Variants in PARD3B observed in about 807,000 individuals in gnomAD.
The protein encoded by PARD3B is partitioning defective 3 homolog B.
PARD3B carries 103 observed loss-of-function variants against 130.2 expected under a neutral mutation model. The ratio of observed to expected loss-of-function variants is 0.79; its 90% CI spans 0.67 to 0.93. The LOEUF is 0.93. PARD3B is among the 40% of genes least tolerant of loss of function. The probability of loss-of-function intolerance (pLI) is 0.00; values close to 1 mark genes in which losing one functional copy is unlikely to be tolerated. For missense variants in PARD3B, 1,609 were observed against 1,499.2 expected (o/e 1.07, Z -1.21); for synonymous variants, 583 against 553.2 (o/e 1.05, Z -0.76).
chr2:205,517,930 C>A (rs768675226), intron 21 of PARD3B, among the ~76,000 whole-genome samples: 2 of 152,044 alleles, frequency 1.3e-5, no homozygotes, highest in African/African-American at 2.4e-5. Flanking sequence ...ATTTTTATTG[C>A]GCTGTGGTCT....
chr2:204,621,099 C>T (rs549742770), intron 1 of PARD3B, among the ~76,000 whole-genome samples: 1 of 152,286 alleles, frequency 6.6e-6, no homozygotes, highest in South Asian at 2.1e-4. Flanking sequence ...ATTCTAACTT[C>T]AGTAGCACAC....
At position 205,440,542 on chromosome 2, in the gene PARD3B, C is replaced by G; in HGVS notation, c.2914C>G (p.Pro972Ala). Residue 972 changes from proline to alanine, a missense_variant, in exon 20 of 23, where the codon CCA (proline) becomes GCA (alanine). Physicochemically the swap from Pro to Ala is conservative, Grantham distance 27. Coordinates refer to ENST00000406610, the MANE Select transcript of PARD3B (RefSeq NM_001302769.2). This position sits in a 1 kb window ranked among gnomAD's most constrained non-coding sequence, Gnocchi z 4.2. ...CACATCAGCAAATGTCTTTAGATCT[C>G]CATCTCCCCCTCGAGCTGGACCATT... ...PCTSANVFRSPSPPRAGPFGY... is the reference protein window; with the variant it reads ...PCTSANVFRSASPPRAGPFGY... The G allele has an allele frequency of 6.2e-7, 1 of 1,614,100 alleles. No individual in the cohort carries two copies. The highest frequency in any genetic ancestry group is 8.5e-7 in the Non-Finnish European group (1 of 1,179,974).
chr2:204,557,671 T>C (rs891900866), intron 1 of PARD3B, among the ~76,000 whole-genome samples: 1 of 152,238 alleles, frequency 6.6e-6, no homozygotes, highest in Non-Finnish European at 1.5e-5. Flanking sequence ...ATGGTAGATA[T>C]ACATATTTTT....
At chr2:205,373,500 A>G (rs1231273468) in intron 18 of PARD3B, among the ~76,000 whole-genome samples, 1 of 152,238 alleles carries the variant, frequency 6.6e-6, no homozygotes, top group African/African-American at 2.4e-5. Context: ...TTAGACTTCA[A>G]ATAAATTTGG....
In PARD3B at chr2:205,171,966, A is replaced by G. The variant is rs189563260; in HGVS notation, c.1621-245A>G. Among the ~76,000 whole-genome samples the G allele has an allele frequency of 4.3e-3, 662 of 152,300 alleles. 16 individuals carry two copies. The highest frequency in any genetic ancestry group is 1.1e-3 in the Non-Finnish European group (74 of 68,030). On this transcript the variant is annotated intron_variant, in intron 11 of 22. Transcript: ENST00000406610. ...GTAAGAGGCATTATACAAATGTCTAAATTATTGCAGCTCAGGACTCTAAGA... is the reference window on the plus strand; with the variant it reads ...GTAAGAGGCATTATACAAATGTCTAGATTATTGCAGCTCAGGACTCTAAGA...
chr2:205,363,712 T>C (rs1175987824), intron 18 of PARD3B, among the ~76,000 whole-genome samples: 3 of 152,128 alleles, frequency 2.0e-5, no homozygotes, highest in African/African-American at 7.2e-5. Context: ...TTGCCCAGGC[T>C]GGAATGCAGT....
intron 10 of PARD3B, among the ~76,000 whole-genome samples, chr2:205,157,108 T>C (rs376096251): frequency 6.6e-6 from 1 of 152,328 alleles, no homozygotes; most frequent in East Asian, 1.9e-4. Context: ...AGTAGGATGG[T>C]TTTTCTTTAA....
chr2:205,096,249 AT>A (rs1702389404), intron 4 of PARD3B, among the ~76,000 whole-genome samples: 1 of 152,072 alleles, frequency 6.6e-6, no homozygotes, highest in Non-Finnish European at 1.5e-5. Context: ...AAATCTTCTT[AT>A]CCCCAATATA....
Position 204,901,021 on chromosome 2 carries a change from A to G in PARD3B, c.223-64131A>G, listed in dbSNP as rs1031842046. ...CTTCCTGGAGCTGGGGGGAGGGGTGACACAAGGACCCTTGTGGCCATCATT... is the reference window on the plus strand; with the variant it reads ...CTTCCTGGAGCTGGGGGGAGGGGTGGCACAAGGACCCTTGTGGCCATCATT... On this transcript the variant is annotated intron_variant, in intron 2 of 22. Coordinates refer to ENST00000406610, the MANE Select transcript of PARD3B (RefSeq NM_001302769.2). 3.3e-5 allele frequency among the ~76,000 whole-genome samples: 5 copies of G among 152,028 alleles called. No individual in the cohort carries two copies. In the South Asian group the frequency reaches 1.0e-3, roughly 32 times the overall value.
intron 4 of PARD3B, among the ~76,000 whole-genome samples, chr2:205,051,205 G>A (rs1422048196): frequency 1.3e-5 from 2 of 152,080 alleles, no homozygotes; most frequent in South Asian, 2.1e-4. Flanking sequence ...TGTACTTGGC[G>A]CTTCCTTCAC....
Position 204,581,520 on chromosome 2 carries a change from A to G in PARD3B, c.120+35401A>G, listed in dbSNP as rs186871500. On this transcript the variant is annotated intron_variant, in intron 1 of 22. Transcript: ENST00000406610. ...ACAGTGTTGTGGGGGTATAAAAAGA[A>G]TTCTGACAGAGAAGAGCAGAAAACA... is the stretch of plus-strand genomic sequence containing the variant. Among the ~76,000 whole-genome samples, 88 of 152,232 alleles carry G rather than the reference A, an allele frequency of 5.8e-4. No homozygotes were observed. The East Asian group carries it at 0.013, about 22-fold the overall frequency.
At chr2:204,960,957 G>T (rs1170889439) in intron 2 of PARD3B, among the ~76,000 whole-genome samples, 3 of 152,186 alleles carry the variant, frequency 2.0e-5, no homozygotes, top group African/African-American at 7.2e-5. Context: ...CCTTGCAGGT[G>T]CCTGGTGGAA....
chr2:205,184,200 T>G (rs1254621930), intron 13 of PARD3B, among the ~76,000 whole-genome samples: 1 of 152,154 alleles, frequency 6.6e-6, no homozygotes, highest in Non-Finnish European at 1.5e-5. Flanking sequence ...AGGTACCCTG[T>G]GGCCCAGTGA....
intron 1 of PARD3B, among the ~76,000 whole-genome samples, chr2:204,560,010 G>A (rs934188888): frequency 6.6e-6 from 1 of 152,026 alleles, no homozygotes; most frequent in African/African-American, 2.4e-5. Flanking sequence ...GACACAGGGT[G>A]GGGAACATCA....
chr2:205,103,330 C>CATATTTTTATGTAAAATAAAT (rs1702945791), intron 4 of PARD3B, among the ~76,000 whole-genome samples: 5 of 91,342 alleles, frequency 5.5e-5, no homozygotes, highest in Non-Finnish European at 6.7e-5. Context: ...GTAAAATAAA[C>CATATTTTTATGTAAAATAAAT]ATATTTTTAT....
rs551624267 is a variant in PARD3B, at chr2:204,942,067, A to G, written c.223-23085A>G. Among the ~76,000 whole-genome samples, 60 of 152,302 alleles carry G rather than the reference A, an allele frequency of 3.9e-4. 1 individual carries two copies. Among genetic ancestry groups the G allele is most frequent in the South Asian group, 1.5e-3 (7 of 4,826 alleles). ...AATATGTGCAAAAATCTGAGTAGCT[A>G]ATCAGTAATTACTACTTTGTAAAAT... On this transcript the variant is annotated intron_variant, in intron 2 of 22. Coordinates refer to ENST00000406610, the MANE Select transcript of PARD3B (RefSeq NM_001302769.2).
At chr2:204,749,830 C>G (rs559048474) in intron 2 of PARD3B, among the ~76,000 whole-genome samples, 1 of 152,300 alleles carries the variant, frequency 6.6e-6, no homozygotes, top group East Asian at 1.9e-4. Flanking sequence ...CTGATCGCCT[C>G]ATACGGCATG....
chr2:204,755,307 T>C (rs1448649294), intron 2 of PARD3B, among the ~76,000 whole-genome samples: 1 of 152,098 alleles, frequency 6.6e-6, no homozygotes, highest in Admixed American at 6.6e-5. Flanking sequence ...TAGTCACCTG[T>C]TAGGAAACTG....
chr2:204,883,854 C>T (rs184007157), intron 2 of PARD3B, among the ~76,000 whole-genome samples: 2 of 152,118 alleles, frequency 1.3e-5, no homozygotes, highest in Admixed American at 1.3e-4. Context: ...TTCTCTGCCT[C>T]AGCCTCCCAA....
Sources: gnomAD v4.1 joint callset for allele counts (sites outside exome capture counted in the v4.1 genomes callset) on GRCh38, gnomAD v4.1.1 for gene constraint, Gnocchi (gnomAD v3.1) non-coding constraint, MANE v1.5 for transcripts, NCBI Gene and HGNC (gene_info 2026-07-23, HGNC 2026-07-21) for gene names.